Variants in CSMD2 observed in about 807,000 individuals in gnomAD.
CSMD2 encodes CUB and sushi domain-containing protein 2.
A neutral mutation model predicts 398.5 loss-of-function variants in CSMD2; 130 were observed. The ratio of observed to expected loss-of-function variants is 0.33; its 90% CI spans 0.28 to 0.38. CSMD2 has a LOEUF of 0.38. CSMD2 is among the 10% of genes least tolerant of loss of function. The probability of loss-of-function intolerance (pLI) is 1.00; values close to 1 mark genes in which losing one functional copy is unlikely to be tolerated. For missense variants in CSMD2, 3,829 were observed against 4,764.9 expected (o/e 0.80, Z 5.78); for synonymous variants, 1,828 against 1,908.5 (o/e 0.96, Z 1.10).
At chr1:33,904,914 G>A (rs998876079) in intron 5 of CSMD2, among the ~76,000 whole-genome samples, 7 of 151,972 alleles carry the variant, frequency 4.6e-5, no homozygotes, top group African/African-American at 1.2e-4. Context: ...CCAAAGTGCT[G>A]GGATTACAGG....
chr1:33,884,394 C>A (rs1016704169), intron 5 of CSMD2, among the ~76,000 whole-genome samples: 5 of 151,990 alleles, frequency 3.3e-5, no homozygotes, highest in African/African-American at 1.2e-4. Context: ...ACCCCCTTTG[C>A]CACTTCCTGC....
Position 33,611,149 on chromosome 1 carries a change from T to A in CSMD2, c.6235A>T (p.Ser2079Cys), listed in dbSNP as rs1282741158. 2 of 1,613,988 alleles carry A rather than the reference T, an allele frequency of 1.2e-6. No homozygotes were observed. The highest frequency in any genetic ancestry group is 1.1e-5 in the South Asian group (1 of 91,050). Residue 2079 changes from serine to cysteine, a missense_variant, in exon 41 of 71, where the codon AGT (serine) becomes TGT (cysteine). Coordinates refer to ENST00000373381, the MANE Select transcript of CSMD2 (RefSeq NM_001281956.2). ...YETSRMMGRF[S>C]GSELPSSLLS... ...AGGGAGCTTGGAAGCTCGCTTCCAC[T>A]GAATCTTCCCATCATGCGGCTGGTC...
chr1:33,694,837 G>A (rs1645364214), intron 24 of CSMD2, among the ~76,000 whole-genome samples: 1 of 152,068 alleles, frequency 6.6e-6, no homozygotes, highest in Non-Finnish European at 1.5e-5. Flanking sequence ...GCCTCCTAGG[G>A]AGGAACATGC....
In CSMD2 at chr1:33,577,418, G is replaced by C; in HGVS notation, c.7454C>G (p.Pro2485Arg). ...GCAGCCAAAGTGGATGGAGCCCCCG[G>C]GCTGGGTGCTGGTCTGGCCTAGGAT... Reference protein sequence around the residue: ...GFILGQTSTQPGGSIHFGCNA... With the variant: ...GFILGQTSTQRGGSIHFGCNA... Residue 2485 changes from proline (P) to arginine (R), a missense_variant, in exon 49 of 71, where the codon CCC (proline) becomes CGC (arginine). Coordinates refer to ENST00000373381, the MANE Select transcript of CSMD2 (RefSeq NM_001281956.2). 1.9e-6 allele frequency: 3 copies of C among 1,614,174 alleles called. No individual in the cohort carries two copies. The highest frequency in any genetic ancestry group is 1.1e-5 in the South Asian group (1 of 91,072).
intron 1 of CSMD2, among the ~76,000 whole-genome samples, chr1:34,114,166 A>T (rs1661371763): frequency 6.6e-6 from 1 of 152,072 alleles, no homozygotes; most frequent in South Asian, 2.1e-4. Flanking sequence ...GACCCAGTAA[A>T]CCTCTTTAAT....
At chr1:33,757,450 T>A (rs556422354) in intron 13 of CSMD2, among the ~76,000 whole-genome samples, 33 of 152,160 alleles carry the variant, frequency 2.2e-4, no homozygotes, top group Non-Finnish European at 4.3e-4. Flanking sequence ...GGAACCAAGG[T>A]TCTCTGGGAC....
intron 67 of CSMD2, among the ~76,000 whole-genome samples, chr1:33,522,988 C>T (rs1256464017): frequency 2.6e-5 from 4 of 152,240 alleles, no homozygotes; most frequent in African/African-American, 9.6e-5. Context: ...TCCCACCCAC[C>T]ACATTAATAC....
intron 15 of CSMD2, among the ~76,000 whole-genome samples, chr1:33,727,999 A>G (rs1311948849): frequency 6.6e-6 from 1 of 152,192 alleles, no homozygotes; most frequent in Non-Finnish European, 1.5e-5. Context: ...TTGCAAAACA[A>G]AATCCCCTGT....
chr1:33,549,970 G>A (rs1657276804), intron 56 of CSMD2, among the ~76,000 whole-genome samples: 1 of 152,184 alleles, frequency 6.6e-6, no homozygotes, highest in African/African-American at 2.4e-5. Context: ...GGCTGACTGA[G>A]GGGATAAGGC....
chr1:34,093,236 T>G (rs1380715560), intron 1 of CSMD2, among the ~76,000 whole-genome samples: 5 of 152,100 alleles, frequency 3.3e-5, no homozygotes, highest in Admixed American at 3.3e-4. Context: ...AGAAAGGACA[T>G]TCACAACAAA....
At chr1:34,133,553 C>T (rs1638374327) in intron 1 of CSMD2, among the ~76,000 whole-genome samples, 2 of 151,896 alleles carry the variant, frequency 1.3e-5, no homozygotes, top group Admixed American at 1.3e-4. Flanking sequence ...ATCATTTGAA[C>T]TCAGGAGGTG....
chr1:33,891,872 G>T (rs966393606), intron 5 of CSMD2, among the ~76,000 whole-genome samples: 2 of 132,482 alleles, frequency 1.5e-5, no homozygotes, highest in South Asian at 5.1e-4. Context: ...ACACAGGAAG[G>T]GGAACATCAC....
chr1:33,918,168 C>A lies in CSMD2; in HGVS notation c.846G>T (p.Leu282=). ...CCTCCAGCTGGAAGTCAATAAACAC[C>A]AGGGCGATGGTGTCCCCCAGCTCAG... is the stretch of plus-strand genomic sequence containing the variant. ...ILAELGDTIA[L]VFIDFQLEDG... Residue 282 remains leucine, a synonymous_variant, in exon 5 of 71, where the codon CTG becomes CTT. Transcript: ENST00000373381. 1 of 1,614,146 alleles carries A rather than the reference C, an allele frequency of 6.2e-7. No individual in the cohort carries two copies. Among genetic ancestry groups the A allele is most frequent in the Non-Finnish European group, 8.5e-7 (1 of 1,180,026 alleles).
At chr1:33,840,925 C>T (rs1660787745) in intron 6 of CSMD2, among the ~76,000 whole-genome samples, 1 of 152,150 alleles carries the variant, frequency 6.6e-6, no homozygotes, top group Admixed American at 6.5e-5. Context: ...TCATTCTGGC[C>T]TCAGATTGAA....
intron 5 of CSMD2, chr1:33,884,578 A>G (rs1641459294): frequency 6.6e-6 from 1 of 152,174 alleles, no homozygotes; most frequent in African/African-American, 2.4e-5. Context: ...AGGCCTCATC[A>G]TCTCTCACCT....
At chr1:33,637,265 T>C (rs1044168008) in intron 29 of CSMD2, among the ~76,000 whole-genome samples, 1 of 152,220 alleles carries the variant, frequency 6.6e-6, no homozygotes, top group Non-Finnish European at 1.5e-5. Flanking sequence ...TAAGTTGATG[T>C]CTCCAGTGCA....
chr1:33,649,977 G>A (rs1643666113), intron 28 of CSMD2, among the ~76,000 whole-genome samples: 2 of 152,146 alleles, frequency 1.3e-5, no homozygotes, highest in Non-Finnish European at 2.9e-5. Flanking sequence ...TGTCAGTTGC[G>A]GGGTCAACAC....
chr1:33,722,742 C>T lies in CSMD2; in HGVS notation c.3001+1455G>A, dbSNP rs538973685. On this transcript the variant is annotated intron_variant, in intron 19 of 70. Coordinates refer to ENST00000373381, the MANE Select transcript of CSMD2 (RefSeq NM_001281956.2). ...TTTTTATGGAACTTTTTTTTTTTAA[C>T]CTAAATCCTTTCAAAGTTTTTTTTA... 4.7e-5 allele frequency among the ~76,000 whole-genome samples: 7 copies of T among 150,054 alleles called. No homozygotes were observed. In the East Asian group the frequency reaches 7.8e-4, roughly 17 times the overall value.
intron 4 of CSMD2, among the ~76,000 whole-genome samples, chr1:33,923,799 C>T (rs1644031021): frequency 6.6e-6 from 1 of 152,162 alleles, no homozygotes; most frequent in African/African-American, 2.4e-5. Context: ...AGAACCTGGG[C>T]TGCACAGCAG....
Sources: gnomAD v4.1 joint callset for allele counts (sites outside exome capture counted in the v4.1 genomes callset) on GRCh38, gnomAD v4.1.1 for gene constraint, MANE v1.5 for transcripts, NCBI Gene and HGNC (gene_info 2026-07-23, HGNC 2026-07-21) for gene names.